The following EPC1 variants were observed in gnomAD, a reference collection of about 807,000 sequenced individuals.
EPC1 encodes enhancer of polycomb homolog 1.
In EPC1, 12 loss-of-function variants were observed where a neutral mutation model predicts 98.4. The ratio of observed to expected loss-of-function variants is 0.12; its 90% CI spans 0.08 to 0.20. The LOEUF (loss-of-function observed/expected upper bound fraction) is 0.20. Among genes scored for constraint, EPC1 ranks in the 10% least tolerant of loss-of-function variants. EPC1 has a pLI of 1.00. For synonymous variants in EPC1, 357 were observed against 363.9 expected (o/e 0.98, Z 0.21); for missense variants, 729 against 990.5 (o/e 0.74, Z 3.54).
chr10:32,341,268 T>A (rs1838327270), intron 1 of EPC1, among the ~76,000 whole-genome samples: 1 of 152,144 alleles, frequency 6.6e-6, no homozygotes, highest in Non-Finnish European at 1.5e-5. Flanking sequence ...TTTACATACA[T>A]AAAAAGGACT....
intron 1 of EPC1, among the ~76,000 whole-genome samples, chr10:32,364,876 T>C (rs900174541): frequency 6.6e-6 from 1 of 151,158 alleles, no homozygotes; most frequent in Non-Finnish European, 1.5e-5. Flanking sequence ...ATTCATAAGC[T>C]TTCTTAAAAT....
rs529470694 is a variant in EPC1, at chr10:32,280,248, A to G, written c.1744+4450T>C. On this transcript the variant is annotated intron_variant, in intron 10 of 13. Transcript: ENST00000319778. Reference sequence around the variant, plus strand: ...GGTAGGCGGATCACTTGAGGTCAGGAGTTCAAGACCAGCTTGGCCAACATG... The same window carrying G: ...GGTAGGCGGATCACTTGAGGTCAGGGGTTCAAGACCAGCTTGGCCAACATG... 9.1e-4 allele frequency among the ~76,000 whole-genome samples: 138 copies of G among 152,306 alleles called. 1 individual carries two copies. Among genetic ancestry groups the G allele is most frequent in the African/African-American group, 3.2e-3 (135 of 41,572 alleles).
At position 32,291,283 on chromosome 10, in the gene EPC1, C is replaced by T. The variant is rs979336815; in HGVS notation, c.855G>A (p.Glu285=). 6.2e-7 allele frequency: 1 copy of T among 1,613,864 alleles called. No individual in the cohort carries two copies. Among genetic ancestry groups the T allele is most frequent in the Non-Finnish European group, 8.5e-7 (1 of 1,179,868 alleles). ...LGDYNGEIMS[E]VMAQRQPMKP... ...TCATTGGCTGTCTCTGTGCCATAAC[C>T]TCAGACATGATCTCTCCATTGTAGT... Residue 285 remains glutamate (E), a synonymous_variant, in exon 6 of 14, where the codon GAG becomes GAA. Coordinates refer to ENST00000319778, the MANE Select transcript of EPC1 (RefSeq NM_001272004.3).
chr10:32,340,159 C>G (rs1162641328), intron 1 of EPC1, among the ~76,000 whole-genome samples: 4 of 152,180 alleles, frequency 2.6e-5, no homozygotes, highest in African/African-American at 9.7e-5. Context: ...AAGTGATTAT[C>G]ACAACACATA....
At chr10:32,357,256 C>A (rs994941203) in intron 1 of EPC1, among the ~76,000 whole-genome samples, 1 of 152,226 alleles carries the variant, frequency 6.6e-6, no homozygotes, top group African/African-American at 2.4e-5. Flanking sequence ...ATTACTGACA[C>A]AGGTAAAAGC....
intron 1 of EPC1, among the ~76,000 whole-genome samples, chr10:32,339,631 T>C (rs1838207490): frequency 6.6e-6 from 1 of 152,186 alleles, no homozygotes; most frequent in South Asian, 2.1e-4. Context: ...ACAAAATACA[T>C]CTAACACTTT....
At chr10:32,352,377 C>T (rs1201616358) in intron 1 of EPC1, among the ~76,000 whole-genome samples, 1 of 152,054 alleles carries the variant, frequency 6.6e-6, no homozygotes, top group African/African-American at 2.4e-5. Flanking sequence ...AGTCTGTCCT[C>T]CCTGTCCTGC....
At chr10:32,345,530 T>A in intron 1 of EPC1, 1 of 985,500 alleles carries the variant, frequency 1.0e-6, no homozygotes, top group Non-Finnish European at 1.2e-6. Context: ...CCTTGAACTG[T>A]CAATACACTG....
At chr10:32,306,526 C>T (rs528783501) in intron 1 of EPC1, among the ~76,000 whole-genome samples, 47 of 152,254 alleles carry the variant, frequency 3.1e-4, no homozygotes, top group African/African-American at 1.1e-3. Context: ...GCAGAAAGCA[C>T]ATTCTCTGGA....
At chr10:32,290,505 A>AAAAAAAAAAAAAAAGAAAG (rs1554819136) in intron 6 of EPC1, among the ~76,000 whole-genome samples, 14 of 77,522 alleles carry the variant, frequency 1.8e-4, no homozygotes, top group African/African-American at 7.7e-4. Flanking sequence ...AAAAAAAAAA[A>AAAAAAAAAAAAAAAGAAAG]AAAGAAAGAA....
At chr10:32,290,538 A>G (rs1329693920) in intron 6 of EPC1, among the ~76,000 whole-genome samples, 2 of 149,502 alleles carry the variant, frequency 1.3e-5, no homozygotes, top group Non-Finnish European at 3.0e-5. Context: ...CTGATCAGGG[A>G]GGATTTCATG....
intron 1 of EPC1, among the ~76,000 whole-genome samples, chr10:32,329,107 C>T (rs1837485819): frequency 6.6e-6 from 1 of 152,160 alleles, no homozygotes; most frequent in Non-Finnish European, 1.5e-5. Flanking sequence ...CAAGATTGTA[C>T]CTCCTGGCTC....
At chr10:32,344,184 T>C (rs1462346738) in intron 1 of EPC1, among the ~76,000 whole-genome samples, 1 of 152,244 alleles carries the variant, frequency 6.6e-6, no homozygotes, top group Non-Finnish European at 1.5e-5. Context: ...TTATGTTTAA[T>C]ATACCTTTTC....
intron 2 of EPC1, among the ~76,000 whole-genome samples, chr10:32,296,226 C>T (rs544642167): frequency 7.9e-5 from 12 of 152,126 alleles, no homozygotes; most frequent in Admixed American, 2.0e-4. Flanking sequence ...TGAGCCACCG[C>T]GCCCGGCCAA....
chr10:32,300,352 G>C (rs371435435), intron 2 of EPC1, among the ~76,000 whole-genome samples: 2 of 150,642 alleles, frequency 1.3e-5, no homozygotes, highest in Non-Finnish European at 3.0e-5. Context: ...CCATTAACTC[G>C]TCATTTACAT....
intron 1 of EPC1, among the ~76,000 whole-genome samples, chr10:32,363,047 A>G (rs777468936): frequency 2.7e-4 from 32 of 120,696 alleles, no homozygotes; most frequent in Non-Finnish European, 3.6e-4. Flanking sequence ...TATATTAGTA[A>G]AAGTATCTGT....
intron 1 of EPC1, among the ~76,000 whole-genome samples, chr10:32,361,107 G>T (rs1839431642): frequency 6.6e-6 from 1 of 152,218 alleles, no homozygotes; most frequent in South Asian, 2.1e-4. Context: ...TTGTATTTGT[G>T]CCTGAGCTTC....
chr10:32,360,120 T>C (rs1839399057), intron 1 of EPC1, among the ~76,000 whole-genome samples: 1 of 152,260 alleles, frequency 6.6e-6, no homozygotes. Context: ...ATCATTCATA[T>C]GTTTGTATCA....
At chr10:32,319,761 C>T (rs1836775114) in intron 1 of EPC1, among the ~76,000 whole-genome samples, 1 of 152,138 alleles carries the variant, frequency 6.6e-6, no homozygotes, top group African/African-American at 2.4e-5. Context: ...ACTGCAACCC[C>T]CACCTCCTGG....
Sources: allele counts gnomAD v4.1 joint callset (sites outside exome capture counted in the v4.1 genomes callset), GRCh38; gene constraint gnomAD v4.1.1; transcripts MANE v1.5; gene names NCBI Gene and HGNC (gene_info 2026-07-23, HGNC 2026-07-21).